The following GTF2A2 variants were observed in gnomAD, a reference collection of about 807,000 sequenced individuals.
GTF2A2 encodes the protein general transcription factor IIA subunit 2, also known as transcription initiation factor IIA subunit 2.
GTF2A2 carries 9 observed loss-of-function variants against 14.3 expected under a neutral mutation model. The ratio of observed to expected loss-of-function variants is 0.63; its 90% CI spans 0.38 to 1.10. GTF2A2 has a LOEUF of 1.10. Among genes scored for constraint, GTF2A2 ranks in the 50% least tolerant of loss-of-function variants. The pLI, the probability that GTF2A2 is intolerant of heterozygous loss-of-function variation, is 0.01. For missense variants in GTF2A2, 90 were observed against 124.6 expected (o/e 0.72, Z 1.32); for synonymous variants, 56 against 46.0 (o/e 1.22, Z -0.88).
chr15:59,641,745 C>T (rs1201299634), intron 4 of GTF2A2, among the ~76,000 whole-genome samples: 5 of 152,054 alleles, frequency 3.3e-5, no homozygotes, highest in African/African-American at 1.2e-4. Context: ...AATTAAAATC[C>T]TGTTTAAAAT....
chr15:59,654,082 C>A (rs1483621877), intron 1 of GTF2A2, among the ~76,000 whole-genome samples: 1 of 152,148 alleles, frequency 6.6e-6, no homozygotes, highest in Admixed American at 6.5e-5. Flanking sequence ...CTATCCCAAC[C>A]CCACCCTCAT....
Position 59,642,163 on chromosome 15 carries a change from C to T in GTF2A2, c.277G>A (p.Val93Met), listed in dbSNP as rs1259847980. Residue 93 changes from valine (V) to methionine (M), a missense_variant, in exon 4 of 5, where the codon GTG (valine) becomes ATG (methionine). Val to Met is a conservative substitution (Grantham distance 21). Coordinates refer to ENST00000396060, the MANE Select transcript of GTF2A2 (RefSeq NM_004492.3). ...TTACCATCACAGGCTACAATTTTCACTTTATCCACTTTAATAAGTTCTGTC... is the reference window on the plus strand; with the variant it reads ...TTACCATCACAGGCTACAATTTTCATTTTATCCACTTTAATAAGTTCTGTC... ...EVTELIKVDKVKIVACDGKNT... is the reference protein window; with the variant it reads ...EVTELIKVDKMKIVACDGKNT... The T allele has an allele frequency of 1.2e-6, 2 of 1,608,490 alleles. No homozygotes were observed. The highest frequency in any genetic ancestry group is 2.7e-5 in the African/African-American group (2 of 74,696).
chr15:59,652,146 A>G (rs1891812979), intron 2 of GTF2A2, 60 bp downstream of exon 2: 1 of 937,580 alleles, frequency 1.1e-6, no homozygotes, highest in Non-Finnish European at 1.7e-6. Flanking sequence ...AAGTGATATG[A>G]CAAGAATTAC....
At chr15:59,641,357 T>TTGA (rs1891419980) in intron 4 of GTF2A2, among the ~76,000 whole-genome samples, 1 of 152,296 alleles carries the variant, frequency 6.6e-6, no homozygotes, top group African/African-American at 2.4e-5. Flanking sequence ...CAGTGATTGA[T>TTGA]TGATTAGCTA....
In GTF2A2 at chr15:59,650,698, G is replaced by A. The variant is rs778893213; in HGVS notation, c.148C>T (p.Gln50Ter). The A allele has an allele frequency of 3.7e-6, 6 of 1,605,500 alleles. No homozygotes were observed. The highest frequency in any genetic ancestry group is 5.1e-6 in the Non-Finnish European group (6 of 1,172,214). The change falls in exon 3 of 5, where the codon CAG becomes TAG. Residue 50 changes from glutamine (Q) to a stop codon, truncating the protein, a stop_gained. Transcript: ENST00000396060. LOFTEE classifies it high-confidence loss of function. ...AAATTGACTCTGTTCCTGACCCTCT[G>A]AGCCAGTGCTGCATTTATAGCCTTA... ...FDKAINAALA[Q>*]RVRNRVNFRG...
Position 59,642,217 on chromosome 15 carries a change from C to A in GTF2A2, c.223G>T (p.Val75Leu), listed in dbSNP as rs780540387. ...TCTCTGAATTCAACATCATTCAGTA[C>A]AAAAGTCCACACATTATCGCAGAAT... is the stretch of plus-strand genomic sequence containing the variant. ...YRFCDNVWTF[V>L]LNDVEFREVT... The change falls in exon 4 of 5, where the codon GTA becomes TTA. Residue 75 changes from valine (V) to leucine (L), a missense_variant. Val to Leu is a conservative substitution (Grantham distance 32). Transcript: ENST00000396060. 1.2e-6 allele frequency: 2 copies of A among 1,610,380 alleles called. No homozygotes were observed. Among genetic ancestry groups the A allele is most frequent in the East Asian group, 2.2e-5 (1 of 44,636 alleles).
At chr15:59,640,416 T>C (rs1384685989) in intron 4 of GTF2A2, among the ~76,000 whole-genome samples, 2 of 152,114 alleles carry the variant, frequency 1.3e-5, no homozygotes, top group African/African-American at 4.8e-5. Context: ...GGTTCAAATG[T>C]ATGGTTCAAA....
At chr15:59,647,666 C>T (rs1180820019) in intron 3 of GTF2A2, among the ~76,000 whole-genome samples, 5 of 152,076 alleles carry the variant, frequency 3.3e-5, no homozygotes, top group African/African-American at 1.2e-4. Context: ...GCAACCTCCG[C>T]CTCCTGGATT....
intron 2 of GTF2A2, 80 bp downstream of exon 2, chr15:59,652,126 C>G (rs1216903303): frequency 3.7e-6 from 3 of 802,554 alleles, no homozygotes; most frequent in Non-Finnish European, 4.2e-6. Flanking sequence ...TACCTCATAT[C>G]TCTTTGCCTA....
intron 1 of GTF2A2, among the ~76,000 whole-genome samples, chr15:59,653,511 T>C (rs1456930017): frequency 2.6e-5 from 4 of 152,232 alleles, no homozygotes; most frequent in Non-Finnish European, 5.9e-5. Flanking sequence ...TGGATACCAT[T>C]GTATTTTTTA....
At chr15:59,652,813 T>G (rs1225138066) in intron 1 of GTF2A2, 1 of 152,834 alleles carries the variant, frequency 6.5e-6, no homozygotes, top group African/African-American at 2.4e-5. Context: ...TCCTAAAAAT[T>G]TATACTCTAG....
chr15:59,639,301 GTGACACTGTAAATATGT>G (rs1380562658), intron 4 of GTF2A2, 144 bp from the exon 5 acceptor site: 2 of 654,136 alleles, frequency 3.1e-6, no homozygotes, highest in Non-Finnish European at 2.8e-6. Context: ...AGGAGGAAAG[GTGACACTGTAAATATGT>G]TGAACTTCAG....
At position 59,639,701 on chromosome 15, in the gene GTF2A2, G is replaced by C. The variant is rs534534747; in HGVS notation, c.305-544C>G. ...TCTCGATCTCCTGACCTCGTGATCT[G>C]CCCGCCTCGGCATCCCAAAGTGCTG... On this transcript the variant is annotated intron_variant, in intron 4 of 4. Coordinates refer to ENST00000396060, the MANE Select transcript of GTF2A2 (RefSeq NM_004492.3). Among the ~76,000 whole-genome samples the C allele has an allele frequency of 5.0e-3, 760 of 151,724 alleles. 11 individuals carry two copies. Among genetic ancestry groups the C allele is most frequent in the Non-Finnish European group, 7.6e-3 (515 of 67,964 alleles).
chr15:59,641,402 C>T (rs769229173), intron 4 of GTF2A2, among the ~76,000 whole-genome samples: 1 of 151,910 alleles, frequency 6.6e-6, no homozygotes, highest in Admixed American at 6.6e-5. Context: ...AAAACAAATC[C>T]GACTCAAACA....
intron 4 of GTF2A2, 53 bp downstream of exon 4, chr15:59,642,083 C>T: frequency 2.6e-6 from 4 of 1,518,600 alleles, no homozygotes; most frequent in Middle Eastern, 4.0e-4. Context: ...CTTCTAAAGG[C>T]TCATAAAAAC....
chr15:59,645,893 G>T (rs1480287502), intron 3 of GTF2A2, among the ~76,000 whole-genome samples: 1 of 151,958 alleles, frequency 6.6e-6, no homozygotes, highest in African/African-American at 2.4e-5. Context: ...AATTAGACGG[G>T]CATGATGGTG....
intron 2 of GTF2A2, chr15:59,651,952 G>C (rs555889858): frequency 4.6e-5 from 15 of 323,232 alleles, no homozygotes; most frequent in African/African-American, 2.9e-4. Context: ...CTAAAGTGCT[G>C]GGATTAGAGG....
chr15:59,649,791 TA>T lies in GTF2A2; in HGVS notation c.177+877del, dbSNP rs548902128. 2.0e-4 allele frequency among the ~76,000 whole-genome samples: 30 copies of T among 152,328 alleles called. No homozygotes were observed. In the South Asian group the frequency reaches 6.0e-3, roughly 31 times the overall value. ...AGTATCTAGAACATGCCTGGTATGT[TA>T]TCTTTTCATCTCTGTGTATCTAGAG... On this transcript the variant is annotated intron_variant, in intron 3 of 4. Transcript: ENST00000396060.
chr15:59,640,499 G>T (rs767409939), intron 4 of GTF2A2, among the ~76,000 whole-genome samples: 1 of 152,098 alleles, frequency 6.6e-6, no homozygotes, highest in Non-Finnish European at 1.5e-5. Flanking sequence ...GCCATATGTG[G>T]CTAAATTCAA....
Sources: gnomAD v4.1 joint callset for allele counts (sites outside exome capture counted in the v4.1 genomes callset) on GRCh38, gnomAD v4.1.1 for gene constraint, MANE v1.5 for transcripts, NCBI Gene and HGNC (gene_info 2026-07-23, HGNC 2026-07-21) for gene names.